Variants in ATP10D observed in about 807,000 individuals in gnomAD.
ATP10D encodes phospholipid-transporting ATPase VD.
In ATP10D, 89 loss-of-function variants were observed where a neutral mutation model predicts 144.8. The observed-to-expected ratio is 0.61, with a 90% CI of 0.52 to 0.73. The LOEUF (loss-of-function observed/expected upper bound fraction) is 0.73, where lower values mean the gene tolerates loss of function less well. ATP10D is among the 30% of genes least tolerant of loss of function. The pLI, the probability that ATP10D is intolerant of heterozygous loss-of-function variation, is 0.00. For synonymous variants in ATP10D, 571 were observed against 615.1 expected (o/e 0.93, Z 1.06); for missense variants, 1,603 against 1,714.8 (o/e 0.93, Z 1.15).
intron 3 of ATP10D, among the ~76,000 whole-genome samples, chr4:47,521,523 G>A (rs1716943062): frequency 6.6e-6 from 1 of 151,758 alleles, no homozygotes; most frequent in African/African-American, 2.4e-5. Context: ...TTGGTCTTTT[G>A]GCCATACTCC....
rs544164852 is a variant in ATP10D at position 47,522,821 on chromosome 4, G to A, written c.486-191G>A. Reference sequence around the variant, plus strand: ...TGACCTCAGGCGATCCACCCATCTCGGCCTCCCAAAGTTCTGGGATTACAG... The same window carrying A: ...TGACCTCAGGCGATCCACCCATCTCAGCCTCCCAAAGTTCTGGGATTACAG... On this transcript the variant is annotated intron_variant, in intron 3 of 22. Coordinates refer to ENST00000273859, the MANE Select transcript of ATP10D (RefSeq NM_020453.4). Among the ~76,000 whole-genome samples, 8 of 152,114 alleles carry A rather than the reference G, an allele frequency of 5.3e-5. No individual in the cohort carries two copies. In the South Asian group the frequency reaches 1.5e-3, roughly 28 times the overall value.
intron 1 of ATP10D, among the ~76,000 whole-genome samples, chr4:47,489,128 CA>C (rs1001073598): frequency 3.9e-4 from 59 of 152,162 alleles, no homozygotes; most frequent in African/African-American, 1.3e-3. Context: ...TATAAATGAG[CA>C]ATTCGCAAAA....
intron 3 of ATP10D, among the ~76,000 whole-genome samples, chr4:47,522,106 G>T (rs897052927): frequency 5.9e-5 from 9 of 152,184 alleles, no homozygotes; most frequent in Non-Finnish European, 1.3e-4. Context: ...GACAGACCTT[G>T]TTAACTTTTG....
intron 6 of ATP10D, 27 bp downstream of exon 6, chr4:47,535,642 T>C (rs1717807554): frequency 6.3e-7 from 1 of 1,579,836 alleles, no homozygotes; most frequent in Non-Finnish European, 8.6e-7. Flanking sequence ...ATTTTCATTG[T>C]CTACTCTGTG....
chr4:47,543,945 G>T (rs1718289102), intron 9 of ATP10D, among the ~76,000 whole-genome samples: 1 of 152,028 alleles, frequency 6.6e-6, no homozygotes, highest in Admixed American at 6.6e-5. Context: ...TCATTGACAT[G>T]TCTATTGATT....
intron 20 of ATP10D, 53 bp downstream of exon 20, chr4:47,580,531 T>A: frequency 6.6e-7 from 1 of 1,507,652 alleles, no homozygotes; most frequent in Non-Finnish European, 9.2e-7. Flanking sequence ...ATGATGCTTC[T>A]TTGTACTTTG....
chr4:47,492,689 A>G (rs1249815294), intron 1 of ATP10D, among the ~76,000 whole-genome samples: 1 of 152,300 alleles, frequency 6.6e-6, no homozygotes, highest in Admixed American at 6.5e-5. Flanking sequence ...AATTATATTA[A>G]TATTAATTCA....
intron 19 of ATP10D, 143 bp downstream of exon 19, chr4:47,577,116 G>GA: frequency 2.7e-6 from 2 of 733,772 alleles, no homozygotes; most frequent in Middle Eastern, 2.8e-4. Flanking sequence ...TTATGTGGCA[G>GA]ATATTCACTT....
At chr4:47,590,290 C>T (rs1720969995) in intron 22 of ATP10D, among the ~76,000 whole-genome samples, 1 of 152,110 alleles carries the variant, frequency 6.6e-6, no homozygotes, top group Non-Finnish European at 1.5e-5. Context: ...GGGAAAACTG[C>T]TAAGCCACAA....
chr4:47,522,863 C>CT (rs1453509276), intron 3 of ATP10D, 149 bp from the exon 4 acceptor site: 1 of 667,494 alleles, frequency 1.5e-6, no homozygotes, highest in Non-Finnish European at 2.4e-6. Context: ...GCCAACTTGC[C>CT]TGGCCCCTTT....
At chr4:47,547,100 A>AGT in intron 10 of ATP10D, 1 of 522,590 alleles carries the variant, frequency 1.9e-6, no homozygotes, top group Non-Finnish European at 3.4e-6. Context: ...GAAAAAAAAA[A>AGT]AGGAGAATAT....
chr4:47,541,980 T>C (rs892514204), intron 9 of ATP10D, among the ~76,000 whole-genome samples: 1 of 152,122 alleles, frequency 6.6e-6, no homozygotes, highest in African/African-American at 2.4e-5. Flanking sequence ...TTCATGTAAC[T>C]ATTTTGGAGT....
intron 11 of ATP10D, 126 bp from the exon 12 acceptor site, chr4:47,557,538 A>T: frequency 1.1e-6 from 1 of 925,164 alleles, no homozygotes; most frequent in Non-Finnish European, 1.5e-6. Flanking sequence ...GTAAATAGAG[A>T]ATGGGCTGCT....
chr4:47,500,720 T>C (rs982462475), intron 1 of ATP10D, among the ~76,000 whole-genome samples: 1 of 152,198 alleles, frequency 6.6e-6, no homozygotes, highest in Non-Finnish European at 1.5e-5. Flanking sequence ...GGCATCAGTC[T>C]GGAGTTTTGG....
intron 14 of ATP10D, among the ~76,000 whole-genome samples, chr4:47,563,079 A>G (rs935673837): frequency 8.5e-5 from 13 of 152,154 alleles, no homozygotes; most frequent in African/African-American, 3.1e-4. Flanking sequence ...AAGTGGGAGG[A>G]TAGGTCGGGG....
intron 19 of ATP10D, among the ~76,000 whole-genome samples, chr4:47,577,650 C>T (rs530010023): frequency 6.6e-6 from 1 of 152,280 alleles, no homozygotes; most frequent in Non-Finnish European, 1.5e-5. Context: ...TTATTTTCAT[C>T]GGTCTAACTA....
intron 1 of ATP10D, among the ~76,000 whole-genome samples, chr4:47,495,754 TGAAA>T (rs1715324540): frequency 6.7e-6 from 1 of 149,838 alleles, no homozygotes. Flanking sequence ...TTTTTTTTTT[TGAAA>T]TGCAGTTTCG....
intron 1 of ATP10D, among the ~76,000 whole-genome samples, 183 bp from the exon 2 acceptor site, chr4:47,512,321 A>G (rs1716377762): frequency 6.6e-6 from 1 of 152,240 alleles, no homozygotes; most frequent in Non-Finnish European, 1.5e-5. Flanking sequence ...TGCTTAGCCC[A>G]TGAGGCAGAA....
In ATP10D at chr4:47,536,731, C is replaced by T; in HGVS notation, c.1189C>T (p.Leu397Phe). 6.2e-7 allele frequency: 1 copy of T among 1,612,704 alleles called. No individual in the cohort carries two copies. Among genetic ancestry groups the T allele is most frequent in the Non-Finnish European group, 8.5e-7 (1 of 1,179,468 alleles). The change falls in exon 9 of 23, where the codon CTT (leucine) becomes TTT (phenylalanine). Residue 397 changes from leucine (L) to phenylalanine (F), a missense_variant. Coordinates refer to ENST00000273859, the MANE Select transcript of ATP10D (RefSeq NM_020453.4). ...SLYVSIEIVKLGQIYFIQSDV... is the reference protein window; with the variant it reads ...SLYVSIEIVKFGQIYFIQSDV... ...CTATGTTTCCATCGAAATTGTGAAGCTTGGACAAATATATTTCATTCAAAG... is the reference window on the plus strand; with the variant it reads ...CTATGTTTCCATCGAAATTGTGAAGTTTGGACAAATATATTTCATTCAAAG...
Sources: gnomAD v4.1 joint callset for allele counts (sites outside exome capture counted in the v4.1 genomes callset) on GRCh38, gnomAD v4.1.1 for gene constraint, MANE v1.5 for transcripts, NCBI Gene and HGNC (gene_info 2026-07-23, HGNC 2026-07-21) for gene names.